PTPRZ1: variants seen among roughly 807,000 people sequenced by gnomAD.
PTPRZ1 encodes receptor-type tyrosine-protein phosphatase zeta.
Under a neutral mutation model 214.1 loss-of-function variants are expected in PTPRZ1, and 82 were observed. The ratio of observed to expected loss-of-function variants is 0.38; its 90% CI spans 0.32 to 0.46. The LOEUF is 0.46. Ranked by LOEUF, PTPRZ1 falls within the 20% of genes least tolerant of loss-of-function variation. The pLI, the probability that PTPRZ1 is intolerant of heterozygous loss-of-function variation, is 1.00. For missense variants in PTPRZ1, 2,603 were observed against 2,748.7 expected (o/e 0.95, Z 1.19); for synonymous variants, 945 against 987.9 (o/e 0.96, Z 0.81).
intron 27 of PTPRZ1, among the ~76,000 whole-genome samples, chr7:122,058,058 G>A (rs1298789679): frequency 6.6e-6 from 1 of 151,310 alleles, no homozygotes; most frequent in African/African-American, 2.4e-5. Context: ...TCATCCCTCA[G>A]CCACAATGGC....
chr7:121,928,456 G>A (rs776159255), intron 2 of PTPRZ1, among the ~76,000 whole-genome samples: 13 of 152,092 alleles, frequency 8.5e-5, no homozygotes, highest in Non-Finnish European at 1.6e-4. Flanking sequence ...TGAAGCTCAG[G>A]CCCAAGCTGT....
intron 10 of PTPRZ1, among the ~76,000 whole-genome samples, chr7:121,999,836 G>A (rs781427647): frequency 2.0e-5 from 3 of 152,012 alleles, no homozygotes; most frequent in Non-Finnish European, 4.4e-5. Context: ...TTGGCACAAA[G>A]TATAATATTC....
intron 25 of PTPRZ1, among the ~76,000 whole-genome samples, chr7:122,053,441 G>C (rs922938600): frequency 7.2e-5 from 11 of 152,166 alleles, no homozygotes; most frequent in African/African-American, 2.4e-4. Context: ...TGGTGGATGG[G>C]ACGATGTAGA....
intron 6 of PTPRZ1, among the ~76,000 whole-genome samples, chr7:121,981,771 GGTGTGT>G (rs548092126): frequency 1.0e-3 from 153 of 149,220 alleles, no homozygotes; most frequent in African/African-American, 3.2e-3. Flanking sequence ...CATATTTATT[GGTGTGT>G]GTGTGTGTGT....
intron 10 of PTPRZ1, among the ~76,000 whole-genome samples, chr7:121,999,721 G>A (rs992789901): frequency 5.9e-5 from 9 of 151,668 alleles, no homozygotes; most frequent in African/African-American, 1.9e-4. Context: ...GAATTTTTTT[G>A]TTCTTTTTTA....
At chr7:121,964,308 G>C (rs139226538) in intron 2 of PTPRZ1, among the ~76,000 whole-genome samples, 242 of 152,328 alleles carry the variant, frequency 1.6e-3, no homozygotes, top group African/African-American at 5.7e-3. Flanking sequence ...GGCTGGGGAG[G>C]CCTCGGGAAA....
At chr7:121,928,316 T>G in intron 2 of PTPRZ1, 95 bp downstream of exon 2, 2 of 793,504 alleles carry the variant, frequency 2.5e-6, no homozygotes, top group Middle Eastern at 3.6e-4. Context: ...GCACAACACA[T>G]CATGTCAACT....
At chr7:122,046,544 A>C (rs752679877) in intron 23 of PTPRZ1, among the ~76,000 whole-genome samples, 22 of 152,188 alleles carry the variant, frequency 1.4e-4, no homozygotes, top group Non-Finnish European at 2.1e-4. Flanking sequence ...AGATATATTT[A>C]AGAGTTGAAC....
intron 2 of PTPRZ1, among the ~76,000 whole-genome samples, chr7:121,967,652 A>T (rs539597291): frequency 6.6e-6 from 1 of 152,316 alleles, no homozygotes; most frequent in South Asian, 2.1e-4. Context: ...GTTAGTTCTC[A>T]TTGACTCCCT....
chr7:121,893,461 A>G (rs1187208505), intron 1 of PTPRZ1, among the ~76,000 whole-genome samples: 1 of 152,240 alleles, frequency 6.6e-6, no homozygotes, highest in Non-Finnish European at 1.5e-5. Flanking sequence ...CAATCCTGTC[A>G]GTATTCTGTC....
chr7:121,935,376 A>T (rs963954975), intron 2 of PTPRZ1, among the ~76,000 whole-genome samples: 4 of 152,194 alleles, frequency 2.6e-5, no homozygotes, highest in African/African-American at 9.6e-5. Flanking sequence ...CTAGCAGCTC[A>T]GAATGAGGAA....
intron 20 of PTPRZ1, 45 bp from the exon 21 acceptor site, chr7:122,040,771 T>A: frequency 8.6e-7 from 1 of 1,168,506 alleles, no homozygotes; most frequent in South Asian, 1.6e-5. Flanking sequence ...TGTGTGTGTG[T>A]GTGTGTGTGT....
chr7:121,889,706 C>A (rs190076020), intron 1 of PTPRZ1, among the ~76,000 whole-genome samples: 167 of 152,232 alleles, frequency 1.1e-3, no homozygotes, highest in Non-Finnish European at 1.5e-3. Context: ...TCTCTCCTGT[C>A]CTTTGCTCCT....
intron 1 of PTPRZ1, among the ~76,000 whole-genome samples, chr7:121,875,889 T>C (rs1158568359): frequency 6.6e-6 from 1 of 152,222 alleles, no homozygotes; most frequent in Non-Finnish European, 1.5e-5. Context: ...TCATCTTCAG[T>C]GTTCTTAGAG....
At chr7:122,019,370 C>A in intron 13 of PTPRZ1, 102 bp downstream of exon 13, 2 of 1,150,154 alleles carry the variant, frequency 1.7e-6, no homozygotes, top group Admixed American at 2.4e-5. Context: ...TGTATTTTAC[C>A]TGAGAGCTGC....
At chr7:121,949,223 C>T (rs1796477973) in intron 2 of PTPRZ1, among the ~76,000 whole-genome samples, 1 of 152,098 alleles carries the variant, frequency 6.6e-6, no homozygotes, top group South Asian at 2.1e-4. Context: ...TTCTTATTAG[C>T]CTCCCCAAAG....
chr7:122,048,617 C>T (rs1008138274), intron 23 of PTPRZ1, among the ~76,000 whole-genome samples: 6 of 151,986 alleles, frequency 3.9e-5, no homozygotes, highest in East Asian at 1.9e-4. Flanking sequence ...ATAAATATTA[C>T]ACCTTTTATG....
At chr7:122,023,481 A>G (rs1490916940) in intron 13 of PTPRZ1, among the ~76,000 whole-genome samples, 2 of 138,430 alleles carry the variant, frequency 1.4e-5, no homozygotes, top group Non-Finnish European at 3.1e-5. Context: ...ATATATATAT[A>G]ATTTTATATA....
rs374486295 is a variant in PTPRZ1, at chr7:122,039,475, C to T, written c.5524C>T (p.Pro1842Ser). Residue 1842 changes from proline to serine, a missense_variant, in exon 20 of 30, where the codon CCT becomes TCT. By Grantham distance (74) the Pro-to-Ser change is moderately conservative. Around this residue, in one of 6 missense-constraint regions of PTPRZ1, gnomAD observed 1,913 missense variants for 1,914.3 expected, o/e 1.00. Transcript: ENST00000393386. ...KGRRKCDQYW[P>S]ADGSEEYGNF... Reference sequence around the variant, plus strand: ...GCAGAGAAAATGTGATCAGTACTGGCCTGCCGATGGGAGTGAGGAGTACGG... The same window carrying T: ...GCAGAGAAAATGTGATCAGTACTGGTCTGCCGATGGGAGTGAGGAGTACGG... 8.1e-6 allele frequency: 13 copies of T among 1,613,854 alleles called. No homozygotes were observed. Among genetic ancestry groups the T allele is most frequent in the Non-Finnish European group, 1.0e-5 (12 of 1,179,958 alleles).
Sources: gnomAD v4.1 joint callset for allele counts (sites outside exome capture counted in the v4.1 genomes callset) on GRCh38, gnomAD v4.1.1 for gene constraint, gnomAD v4.1.1 regional missense constraint, MANE v1.5 for transcripts, NCBI Gene and HGNC (gene_info 2026-07-23, HGNC 2026-07-21) for gene names.